DHRS1: variants seen among roughly 807,000 people sequenced by gnomAD.
The protein encoded by DHRS1 is dehydrogenase/reductase 1.
DHRS1 carries 34 observed loss-of-function variants against 35.2 expected under a neutral mutation model. The observed-to-expected ratio is 0.97, with a 90% CI of 0.74 to 1.29. The LOEUF (loss-of-function observed/expected upper bound fraction) is 1.29. Among genes scored for constraint, DHRS1 ranks in the 50% most tolerant of loss-of-function variants. DHRS1 has a pLI of 0.00. For missense variants in DHRS1, 354 were observed against 403.6 expected (o/e 0.88, Z 1.05); for synonymous variants, 133 against 160.0 (o/e 0.83, Z 1.27).
chr14:24,292,245 G>T lies in DHRS1; in HGVS notation c.593C>A (p.Thr198Lys). 6.2e-7 allele frequency: 1 copy of T among 1,614,080 alleles called. No homozygotes were observed. Among genetic ancestry groups the T allele is most frequent in the South Asian group, 1.1e-5 (1 of 91,066 alleles). The change falls in exon 6 of 9, where the codon ACA becomes AAA. Residue 198 changes from threonine (T) to lysine (K), a missense_variant. Transcript: ENST00000288111. Reference protein sequence around the residue: ...CVSLWPGIVQTELLKEHMAKE... With the variant: ...CVSLWPGIVQKELLKEHMAKE... ...TGCCATATGCTCCTTCAGCAGTTCT[G>T]TCTGCACAATCCCCGGCCACAGAGA...
At chr14:24,296,670 G>A in intron 3 of DHRS1, 68 bp downstream of exon 3, 2 of 1,613,562 alleles carry the variant, frequency 1.2e-6, no homozygotes, top group Admixed American at 1.7e-5. Context: ...CAATGAGTGG[G>A]GATGAAGATG....
chr14:24,298,796 C>A, intron 2 of DHRS1, 161 bp downstream of exon 2: 1 of 978,644 alleles, frequency 1.0e-6, no homozygotes, highest in Middle Eastern at 3.2e-4. Flanking sequence ...TTCTACCTTA[C>A]CTGAAGTTAT....
chr14:24,298,616 T>C (rs931544058), intron 2 of DHRS1: 1 of 198,014 alleles, frequency 5.1e-6, no homozygotes, highest in Non-Finnish European at 1.0e-5. Flanking sequence ...TAATACAGTG[T>C]CTCGCTGTGT....
At chr14:24,292,066 G>T in intron 6 of DHRS1, 118 bp downstream of exon 6, 1 of 1,266,238 alleles carries the variant, frequency 7.9e-7, no homozygotes. Flanking sequence ...TGTGTCCCAT[G>T]CTCAGCCCTG....
intron 5 of DHRS1, 91 bp downstream of exon 5, chr14:24,292,561 A>G: frequency 6.2e-7 from 1 of 1,603,670 alleles, no homozygotes. Flanking sequence ...AGCCAGCCTT[A>G]CCATTCTGAC....
chr14:24,290,997 TG>T lies in DHRS1; in HGVS notation c.806-3del. 1 of 1,614,034 alleles carries T rather than the reference TG, an allele frequency of 6.2e-7. No homozygotes were observed. The highest frequency in any genetic ancestry group is 8.5e-7 in the Non-Finnish European group (1 of 1,179,984). On this transcript the variant is annotated splice_polypyrimidine_tract_variant and splice_region_variant and intron_variant, in intron 8 of 8. Coordinates refer to ENST00000288111, the MANE Select transcript of DHRS1 (RefSeq NM_001136050.3). ...ACAAATAGTCTTGGACGGGGCGGCCTGGGAACAACAGGAGGAGGAGGATTAG... is the reference window on the plus strand; with the variant it reads ...ACAAATAGTCTTGGACGGGGCGGCCTGGAACAACAGGAGGAGGAGGATTAG...
chr14:24,299,255 G>T, intron 1 of DHRS1, 125 bp from the exon 2 acceptor site: 1 of 921,506 alleles, frequency 1.1e-6, no homozygotes, highest in Non-Finnish European at 1.6e-6. Context: ...ATCCTTTGAG[G>T]GGAGAGGAGT....
At position 24,290,651 on chromosome 14, in the gene DHRS1, G is replaced by A. The variant is rs1288695511; in HGVS notation, c.*208C>T. On this transcript the variant is annotated 3_prime_UTR_variant, in exon 9 of 9. Coordinates refer to ENST00000288111, the MANE Select transcript of DHRS1 (RefSeq NM_001136050.3). ...TCCAAGAGCATTTTTCAATACTAAG[G>A]CAAAAAGTAAAAAGAAGGACAAGGA... is the stretch of plus-strand genomic sequence containing the variant. 7.2e-6 allele frequency: 4 copies of A among 555,482 alleles called. No individual in the cohort carries two copies. Among genetic ancestry groups the A allele is most frequent in the Non-Finnish European group, 1.3e-5 (4 of 317,322 alleles). The allele number at this position is 555,482 out of a possible 1,614,324, so 34.4% of individuals were successfully genotyped here.
Position 24,299,716 on chromosome 14 carries a change from T to G in DHRS1, c.-160A>C, listed in dbSNP as rs1208388012. On this transcript the variant is annotated 5_prime_UTR_variant, in exon 1 of 9. Transcript: ENST00000288111. ...TGTAGTAGGACCCGGGGCGATTCTG[T>G]GCTGAGGTAGAGGGGCAGAGTCCCA... is the stretch of plus-strand genomic sequence containing the variant. 1.2e-5 allele frequency: 6 copies of G among 503,736 alleles called. No homozygotes were observed. The highest frequency in any genetic ancestry group is 2.1e-5 in the Non-Finnish European group (6 of 286,590). 31.2% of individuals were successfully genotyped at this position (503,736 alleles called of 1,614,324 possible). A position where few individuals can be genotyped will look rare whatever the true frequency, so the allele number is the denominator to read the frequency against.
rs764449798 is a variant in DHRS1, at chr14:24,299,144, G to T, written c.-24-14C>A. The T allele has an allele frequency of 4.7e-5, 75 of 1,593,640 alleles. 1 individual carries two copies. Among genetic ancestry groups the T allele is most frequent in the Non-Finnish European group, 5.8e-5 (68 of 1,165,588 alleles). On this transcript the variant is annotated splice_polypyrimidine_tract_variant and intron_variant, in intron 1 of 8. Coordinates refer to ENST00000288111, the MANE Select transcript of DHRS1 (RefSeq NM_001136050.3). ...AAGGAGGCAGGTCTGTGGAAGCAAA[G>T]ACTTACTCTGAGGGAAGCCTGGAGA...
Position 24,296,517 on chromosome 14 carries a change from G to A in DHRS1, c.366C>T (p.Val122=), listed in dbSNP as rs34297859. ...PASMWDDINN[V]GLRGHYFCSV... ...GGCAGTGGAGCACCCACCTGAGTCCGACGTTGTTGATATCATCCCACATGG... is the reference window on the plus strand; with the variant it reads ...GGCAGTGGAGCACCCACCTGAGTCCAACGTTGTTGATATCATCCCACATGG... The change falls in exon 4 of 9, where the codon GTC becomes GTT. Residue 122 remains valine (V), a synonymous_variant. Transcript: ENST00000288111. 114 of 1,614,050 alleles carry A rather than the reference G, an allele frequency of 7.1e-5. No individual in the cohort carries two copies. Among genetic ancestry groups the A allele is most frequent in the African/African-American group, 2.1e-4 (16 of 74,914 alleles).
At chr14:24,296,922 G>C in intron 2 of DHRS1, 41 bp from the exon 3 acceptor site, 5 of 1,611,654 alleles carry the variant, frequency 3.1e-6, no homozygotes, top group Non-Finnish European at 4.2e-6. Context: ...TTCACACATG[G>C]GTGTGAGTCA....
rs565197099 is a variant in DHRS1 at position 24,298,047 on chromosome 14, A to C, written c.150+910T>G. Among the ~76,000 whole-genome samples the C allele has an allele frequency of 1.1e-4, 16 of 152,070 alleles. No homozygotes were observed. The East Asian group carries it at 3.1e-3, about 29-fold the overall frequency. On this transcript the variant is annotated intron_variant, in intron 2 of 8. Coordinates refer to ENST00000288111, the MANE Select transcript of DHRS1 (RefSeq NM_001136050.3). ...CCTGTTGGAATCTATCTTCATTTTT[A>C]ATTAAAATTTTTTTTTTTAGAGACA...
rs1005560972 is a variant in DHRS1, at chr14:24,299,571, C to T, written c.-25+10G>A. ...CTAAGCCCTAAGTGGGACGAGCGTG[C>T]GCCGCTTACCTGCCACCTGCGCTGC... On this transcript the variant is annotated intron_variant, in intron 1 of 8. Coordinates refer to ENST00000288111, the MANE Select transcript of DHRS1 (RefSeq NM_001136050.3). 5.0e-5 allele frequency: 12 copies of T among 240,680 alleles called. No individual in the cohort carries two copies. In the South Asian group the frequency reaches 6.2e-4, roughly 12 times the overall value. 14.9% of individuals were successfully genotyped at this position (240,680 alleles called of 1,614,324 possible).
At position 24,296,873 on chromosome 14, in the gene DHRS1, G is replaced by A; in HGVS notation, c.159C>T (p.Ser53=). The change falls in exon 3 of 9, where the codon TCC becomes TCT. Residue 53 remains serine, a synonymous_variant. Transcript: ENST00000288111. ...TLRVVAQEAQ[S]LGGQCVPVVC... ...CCACAGGCACACATTGGCCCCCGAG[G>A]GATTGTGCCTGGAGTAGGACAGGGG... The A allele has an allele frequency of 6.2e-7, 1 of 1,614,196 alleles. No individual in the cohort carries two copies. The highest frequency in any genetic ancestry group is 8.5e-7 in the Non-Finnish European group (1 of 1,180,038).
In DHRS1 at chr14:24,290,642, A is replaced by C; in HGVS notation, c.*217T>G. Reference sequence around the variant, plus strand: ...TTTATTAGCTCCAAGAGCATTTTTCAATACTAAGGCAAAAAGTAAAAAGAA... The same window carrying C: ...TTTATTAGCTCCAAGAGCATTTTTCCATACTAAGGCAAAAAGTAAAAAGAA... On this transcript the variant is annotated 3_prime_UTR_variant, in exon 9 of 9. Transcript: ENST00000288111. 1.9e-6 allele frequency: 1 copy of C among 531,854 alleles called. No individual in the cohort carries two copies. The highest frequency in any genetic ancestry group is 3.3e-6 in the Non-Finnish European group (1 of 301,144). The allele number at this position is 531,854 out of a possible 1,614,324, so 32.9% of individuals were successfully genotyped here. A position where few individuals can be genotyped will look rare whatever the true frequency, so the allele number is the denominator to read the frequency against.
intron 8 of DHRS1, 67 bp from the exon 9 acceptor site, chr14:24,291,062 TGGA>T (rs1244231881): frequency 1.2e-6 from 2 of 1,613,238 alleles, no homozygotes; most frequent in Non-Finnish European, 1.7e-6. Context: ...TCACCTTGGC[TGGA>T]GAGACCGAGG....
At chr14:24,292,083 C>T in intron 6 of DHRS1, 101 bp downstream of exon 6, 1 of 1,449,660 alleles carries the variant, frequency 6.9e-7, no homozygotes. Flanking sequence ...CCTGCACCTG[C>T]CACAGTAAGC....
chr14:24,293,195 T>C (rs2041192466), intron 4 of DHRS1: 1 of 162,264 alleles, frequency 6.2e-6, no homozygotes. Context: ...ATCCATAGAT[T>C]CAGTCAAATT....
Sources: gnomAD v4.1 joint callset for allele counts (sites outside exome capture counted in the v4.1 genomes callset) on GRCh38, gnomAD v4.1.1 for gene constraint, MANE v1.5 for transcripts, NCBI Gene and HGNC (gene_info 2026-07-23, HGNC 2026-07-21) for gene names.